CNBD1: variants seen among roughly 807,000 people sequenced by gnomAD.
CNBD1 encodes cyclic nucleotide binding domain containing 1, also known as cyclic nucleotide-binding domain-containing protein 1.
CNBD1 carries 71 observed loss-of-function variants against 54.4 expected under a neutral mutation model. The ratio of observed to expected loss-of-function variants is 1.30; its 90% CI spans 1.08 to 1.59. The LOEUF (loss-of-function observed/expected upper bound fraction) is 1.59. Among genes scored for constraint, CNBD1 ranks in the 40% most tolerant of loss-of-function variants. The pLI, the probability that CNBD1 is intolerant of heterozygous loss-of-function variation, is 0.00. For synonymous variants in CNBD1, 182 were observed against 170.7 expected (o/e 1.07, Z -0.51); for missense variants, 659 against 518.0 (o/e 1.27, Z -2.64).
intron 4 of CNBD1, among the ~76,000 whole-genome samples, chr8:86,986,441 T>C (rs982460044): frequency 3.3e-5 from 5 of 152,156 alleles, no homozygotes; most frequent in African/African-American, 1.2e-4. Flanking sequence ...AGTTCACAAA[T>C]ATTTTTTTCC....
intron 2 of CNBD1, among the ~76,000 whole-genome samples, chr8:86,895,253 G>GGTGTGTGTGTGTGTGTGT (rs59497760): frequency 1.2e-4 from 18 of 144,820 alleles, no homozygotes; most frequent in African/African-American, 4.8e-4. Context: ...GTGTGTGCAT[G>GGTGTGTGTGTGTGTGTGT]GTGTGTGTGT....
At chr8:86,868,422 A>T (rs1361133203) in intron 1 of CNBD1, among the ~76,000 whole-genome samples, 1 of 151,994 alleles carries the variant, frequency 6.6e-6, no homozygotes, top group Admixed American at 6.6e-5. Context: ...AGCTCACCAC[A>T]ACCTCCGCCT....
chr8:87,347,434 A>C (rs552938116), intron 8 of CNBD1, among the ~76,000 whole-genome samples: 39 of 152,354 alleles, frequency 2.6e-4, no homozygotes, highest in African/African-American at 8.9e-4. Context: ...TGGAGCTTGC[A>C]TCCTAATGGC....
chr8:86,905,225 G>C (rs753801925), intron 3 of CNBD1, 31 bp downstream of exon 3: 1 of 1,270,500 alleles, frequency 7.9e-7, no homozygotes, highest in Non-Finnish European at 1.1e-6. Context: ...AAGCAAGGTT[G>C]ATGGGTGTGT....
At chr8:87,125,732 G>A (rs1461016720) in intron 4 of CNBD1, among the ~76,000 whole-genome samples, 2 of 151,722 alleles carry the variant, frequency 1.3e-5, no homozygotes, top group Non-Finnish European at 3.0e-5. Context: ...TTTAATAAGT[G>A]TTGAGATATA....
chr8:86,890,018 T>C (rs1188124188), intron 2 of CNBD1, among the ~76,000 whole-genome samples: 1 of 152,130 alleles, frequency 6.6e-6, no homozygotes, highest in Non-Finnish European at 1.5e-5. Context: ...TGTGATAAAA[T>C]ATGTTTTTGT....
chr8:87,102,805 G>A (rs1045774751), intron 4 of CNBD1, among the ~76,000 whole-genome samples: 2 of 151,992 alleles, frequency 1.3e-5, no homozygotes, highest in Admixed American at 6.6e-5. Flanking sequence ...TAGTAGAGAC[G>A]GGGTTTCACT....
chr8:87,057,810 C>T lies in CNBD1; in HGVS notation c.431+118056C>T, dbSNP rs373845931. On this transcript the variant is annotated intron_variant, in intron 4 of 10. Transcript: ENST00000518476. ...GTTGCAGTGAGCCAAGATCATGTCA[C>T]TTCACTCCAGCCTGGGCAACAGCAC... is the stretch of plus-strand genomic sequence containing the variant. Among the ~76,000 whole-genome samples, 18 of 152,032 alleles carry T rather than the reference C, an allele frequency of 1.2e-4. 1 individual carries two copies. The highest frequency in any genetic ancestry group is 7.9e-4 in the Admixed American group (12 of 15,242).
chr8:87,277,575 A>G (rs1228757976), intron 6 of CNBD1, among the ~76,000 whole-genome samples: 1 of 151,714 alleles, frequency 6.6e-6, no homozygotes, highest in African/African-American at 2.4e-5. Context: ...CATGTATTTT[A>G]TAGACAGAAA....
chr8:87,123,480 AAACAT>A (rs1811929291), intron 4 of CNBD1, among the ~76,000 whole-genome samples: 1 of 151,926 alleles, frequency 6.6e-6, no homozygotes, highest in African/African-American at 2.4e-5. Flanking sequence ...ACATAAACAT[AAACAT>A]AACACATCCC....
At chr8:86,904,424 A>T (rs1442636925) in intron 2 of CNBD1, among the ~76,000 whole-genome samples, 1 of 152,072 alleles carries the variant, frequency 6.6e-6, no homozygotes, top group Admixed American at 6.6e-5. Context: ...CTATTCTCTG[A>T]ATCTTGCTTA....
At chr8:87,340,599 CTGT>C (rs1056500962) in intron 8 of CNBD1, among the ~76,000 whole-genome samples, 50 of 152,006 alleles carry the variant, frequency 3.3e-4, no homozygotes, top group African/African-American at 9.2e-4. Context: ...TACTCTTTTT[CTGT>C]TGTTGTTTTT....
chr8:86,955,690 TC>T (rs1402048734), intron 4 of CNBD1, among the ~76,000 whole-genome samples: 29 of 152,356 alleles, frequency 1.9e-4, no homozygotes, highest in African/African-American at 6.7e-4. Context: ...GTTTGATTTT[TC>T]CTTGTAAATT....
At chr8:86,960,048 C>A (rs950472443) in intron 4 of CNBD1, among the ~76,000 whole-genome samples, 3 of 152,078 alleles carry the variant, frequency 2.0e-5, no homozygotes, top group African/African-American at 7.2e-5. Flanking sequence ...GGAACAGCTC[C>A]AGTCTACAGC....
At chr8:87,404,943 A>G (rs1807628733) in intron 2 of CNBD1, among the ~76,000 whole-genome samples, 1 of 151,960 alleles carries the variant, frequency 6.6e-6, no homozygotes, top group African/African-American at 2.4e-5. Flanking sequence ...GCCTCCACCA[A>G]CTCACTTTTG....
At chr8:86,900,593 C>T (rs1808917387) in intron 2 of CNBD1, among the ~76,000 whole-genome samples, 1 of 152,068 alleles carries the variant, frequency 6.6e-6, no homozygotes, top group South Asian at 2.1e-4. Flanking sequence ...GCCTAATAGA[C>T]TATAAACAGT....
chr8:87,218,180 C>G (rs190729356), intron 5 of CNBD1, among the ~76,000 whole-genome samples: 1 of 152,182 alleles, frequency 6.6e-6, no homozygotes, highest in East Asian at 1.9e-4. Context: ...CACACACATG[C>G]TCTTGATCTG....
chr8:87,085,265 A>G (rs138944859), intron 4 of CNBD1, among the ~76,000 whole-genome samples: 1 of 152,120 alleles, frequency 6.6e-6, no homozygotes, highest in Non-Finnish European at 1.5e-5. Flanking sequence ...CATATGGATC[A>G]TATGTGGGCC....
chr8:87,141,725 T>C (rs1812374022), intron 4 of CNBD1, among the ~76,000 whole-genome samples: 1 of 152,076 alleles, frequency 6.6e-6, no homozygotes, highest in South Asian at 2.1e-4. Context: ...TAACATGACA[T>C]ATAAAATGGA....
Sources: gnomAD v4.1 joint callset for allele counts (sites outside exome capture counted in the v4.1 genomes callset) on GRCh38, gnomAD v4.1.1 for gene constraint, MANE v1.5 for transcripts, NCBI Gene and HGNC (gene_info 2026-07-23, HGNC 2026-07-21) for gene names.